The following PLCB4 variants were observed in gnomAD, a reference collection of about 807,000 sequenced individuals.
The protein encoded by PLCB4 is 1-phosphatidylinositol 4,5-bisphosphate phosphodiesterase beta-4.
In PLCB4, 77 loss-of-function variants were observed where a neutral mutation model predicts 178.8. That is an observed-to-expected ratio of 0.43 (90% confidence interval 0.36 to 0.52). PLCB4 has a LOEUF of 0.52. Ranked by LOEUF, PLCB4 falls within the 20% of genes least tolerant of loss-of-function variation. The probability of loss-of-function intolerance (pLI) is 0.00; values close to 1 mark genes in which losing one functional copy is unlikely to be tolerated. For synonymous variants in PLCB4, 496 were observed against 490.8 expected (o/e 1.01, Z -0.14); for missense variants, 1,024 against 1,453.4 (o/e 0.70, Z 4.80).
At chr20:9,074,261 A>T (rs2146474999) in intron 1 of PLCB4, among the ~76,000 whole-genome samples, 1 of 152,330 alleles carries the variant, frequency 6.6e-6, no homozygotes, top group African/African-American at 2.4e-5. Context: ...GATACAGGGT[A>T]CTGTTACTGC....
At chr20:9,193,090 A>C (rs1449110853) in intron 2 of PLCB4, among the ~76,000 whole-genome samples, 2 of 152,202 alleles carry the variant, frequency 1.3e-5, no homozygotes, top group African/African-American at 4.8e-5. Context: ...TCATTCAACA[A>C]ATATTTATTG....
chr20:9,402,894 G>A (rs2039141817), intron 20 of PLCB4, among the ~76,000 whole-genome samples: 4 of 152,174 alleles, frequency 2.6e-5, no homozygotes, highest in South Asian at 4.1e-4. Context: ...TGCCTGTGAA[G>A]TATTCAAGGG....
At chr20:9,204,461 G>A (rs551363840) in intron 2 of PLCB4, among the ~76,000 whole-genome samples, 1 of 152,164 alleles carries the variant, frequency 6.6e-6, no homozygotes, top group South Asian at 2.1e-4. Flanking sequence ...CTGGGTTCAA[G>A]TGATTCTCCT....
intron 2 of PLCB4, among the ~76,000 whole-genome samples, chr20:9,192,898 C>T (rs1018555949): frequency 5.9e-5 from 9 of 152,130 alleles, no homozygotes; most frequent in South Asian, 2.1e-4. Flanking sequence ...AGCACCTATC[C>T]GTTAATTAGC....
chr20:9,255,226 G>A (rs2094221158), intron 3 of PLCB4, among the ~76,000 whole-genome samples: 1 of 152,124 alleles, frequency 6.6e-6, no homozygotes, highest in African/African-American at 2.4e-5. Flanking sequence ...TGACAGATTT[G>A]AAAACACTCA....
chr20:9,194,013 A>G (rs533046586), intron 2 of PLCB4, among the ~76,000 whole-genome samples: 2 of 152,128 alleles, frequency 1.3e-5, no homozygotes, highest in East Asian at 3.9e-4. Flanking sequence ...TTTTTTTTAA[A>G]AAAAATTGGA....
chr20:9,219,536 C>T (rs2093773242), intron 3 of PLCB4, among the ~76,000 whole-genome samples: 1 of 152,148 alleles, frequency 6.6e-6, no homozygotes, highest in Non-Finnish European at 1.5e-5. Context: ...GGGCAGTGTA[C>T]TCTCGTTCTC....
chr20:9,186,025 A>G (rs555768377), intron 2 of PLCB4, among the ~76,000 whole-genome samples: 3 of 152,296 alleles, frequency 2.0e-5, no homozygotes, highest in African/African-American at 7.2e-5. Flanking sequence ...TGTAAGTGCC[A>G]TAGTGGTGGC....
chr20:9,320,688 A>G (rs1445779510), intron 4 of PLCB4, among the ~76,000 whole-genome samples: 1 of 152,228 alleles, frequency 6.6e-6, no homozygotes, highest in Non-Finnish European at 1.5e-5. Flanking sequence ...TACAAAACTG[A>G]GGATTAAAAT....
chr20:9,087,958 A>G (rs566875964), intron 1 of PLCB4, among the ~76,000 whole-genome samples: 1 of 152,264 alleles, frequency 6.6e-6, no homozygotes, highest in African/African-American at 2.4e-5. Flanking sequence ...AGTATTCACA[A>G]GGTCCACAGG....
chr20:9,326,506 A>T (rs2030592473), intron 4 of PLCB4, among the ~76,000 whole-genome samples: 1 of 152,148 alleles, frequency 6.6e-6, no homozygotes. Flanking sequence ...GAAATGAAAG[A>T]TAGACAGCAG....
intron 33 of PLCB4, among the ~76,000 whole-genome samples, chr20:9,454,309 G>A (rs2042934954): frequency 6.6e-6 from 1 of 152,206 alleles, no homozygotes; most frequent in Admixed American, 6.5e-5. Context: ...ACTTGGTTAA[G>A]CTGGTATCTT....
intron 2 of PLCB4, among the ~76,000 whole-genome samples, chr20:9,116,923 C>T (rs1292267987): frequency 3.9e-5 from 6 of 152,076 alleles, no homozygotes; most frequent in Non-Finnish European, 8.8e-5. Context: ...CAACTTATTT[C>T]TGCATGCCTT....
intron 3 of PLCB4, among the ~76,000 whole-genome samples, chr20:9,251,201 G>T (rs2147483169): frequency 6.6e-6 from 1 of 152,304 alleles, no homozygotes; most frequent in African/African-American, 2.4e-5. Flanking sequence ...TTTGTTAGGA[G>T]AGCTTTCAAC....
chr20:9,248,860 C>T (rs552512438), intron 3 of PLCB4, among the ~76,000 whole-genome samples: 36 of 152,140 alleles, frequency 2.4e-4, no homozygotes, highest in Non-Finnish European at 4.3e-4. Flanking sequence ...AGTTTATTTT[C>T]TTATAATTCT....
intron 2 of PLCB4, among the ~76,000 whole-genome samples, chr20:9,173,965 C>T (rs1042166857): frequency 6.6e-6 from 1 of 152,100 alleles, no homozygotes; most frequent in Non-Finnish European, 1.5e-5. Flanking sequence ...ATTTATCCAC[C>T]AAATAAGATG....
intron 2 of PLCB4, among the ~76,000 whole-genome samples, chr20:9,170,545 C>T (rs2093047610): frequency 6.6e-6 from 1 of 152,164 alleles, no homozygotes; most frequent in Admixed American, 6.6e-5. Context: ...AAAAACTCCT[C>T]TTTCAGGCAG....
chr20:9,174,311 T>C (rs2093117081), intron 2 of PLCB4, among the ~76,000 whole-genome samples: 1 of 151,874 alleles, frequency 6.6e-6, no homozygotes, highest in African/African-American at 2.4e-5. Flanking sequence ...TAATTTTTTT[T>C]TTATTTTTTA....
chr20:9,375,227 A>G (rs2036572662), intron 12 of PLCB4, among the ~76,000 whole-genome samples: 2 of 152,126 alleles, frequency 1.3e-5, no homozygotes, highest in African/African-American at 4.8e-5. Context: ...CCCTCTTTTG[A>G]GTCCTACCCT....
Sources: allele counts gnomAD v4.1 joint callset (sites outside exome capture counted in the v4.1 genomes callset), GRCh38; gene constraint gnomAD v4.1.1; transcripts MANE v1.5; gene names NCBI Gene and HGNC (gene_info 2026-07-23, HGNC 2026-07-21).